The following CDH13 variants were observed in gnomAD, a reference collection of about 807,000 sequenced individuals.
CDH13 encodes cadherin-13.
Under a neutral mutation model 63.8 loss-of-function variants are expected in CDH13, and 24 were observed. The observed-to-expected ratio is 0.38, with a 90% CI of 0.27 to 0.53. The LOEUF is 0.53. Among genes scored for constraint, CDH13 ranks in the 20% least tolerant of loss-of-function variants. The pLI, the probability that CDH13 is intolerant of heterozygous loss-of-function variation, is 0.85. For synonymous variants in CDH13, 503 were observed against 355.3 expected, an observed-to-expected ratio of 1.42 and a Z score of -4.67; for missense variants, 1,049 against 903.1, an observed-to-expected ratio of 1.16 and a Z score of -2.07.
intron 3 of CDH13, among the ~76,000 whole-genome samples, chr16:83,036,670 C>G (rs981505583): frequency 2.6e-5 from 4 of 152,110 alleles, no homozygotes; most frequent in African/African-American, 9.7e-5. Context: ...AAATTCTGAC[C>G]CTTGATATCT....
chr16:82,633,008 G>A (rs1027635564), intron 1 of CDH13, among the ~76,000 whole-genome samples: 1 of 152,170 alleles, frequency 6.6e-6, no homozygotes, highest in African/African-American at 2.4e-5. Flanking sequence ...GATCTGACAG[G>A]AGGCAGAGCC....
chr16:83,496,015 C>G (rs1165854925), intron 7 of CDH13, among the ~76,000 whole-genome samples: 1 of 150,788 alleles, frequency 6.6e-6, no homozygotes, highest in Non-Finnish European at 1.5e-5. Context: ...AAAGAGGATA[C>G]AAACAAATGG....
chr16:82,928,737 G>A (rs1014570072), intron 2 of CDH13, among the ~76,000 whole-genome samples: 1 of 152,208 alleles, frequency 6.6e-6, no homozygotes, highest in African/African-American at 2.4e-5. Flanking sequence ...AAATACTAAA[G>A]TAAGAGCAGA....
chr16:82,700,107 G>GTTCATCA (rs2030800907), intron 1 of CDH13, among the ~76,000 whole-genome samples: 1 of 152,198 alleles, frequency 6.6e-6, no homozygotes, highest in African/African-American at 2.4e-5. Context: ...ATGCTGAGAA[G>GTTCATCA]GGTTATAGCA....
At chr16:83,445,115 C>G (rs1336625328) in intron 6 of CDH13, among the ~76,000 whole-genome samples, 2 of 152,108 alleles carry the variant, frequency 1.3e-5, no homozygotes, top group Admixed American at 1.3e-4. Flanking sequence ...TCTGAATAAA[C>G]TCACAGGTGT....
At chr16:83,345,427 A>G (rs2090819414) in intron 6 of CDH13, among the ~76,000 whole-genome samples, 1 of 152,204 alleles carries the variant, frequency 6.6e-6, no homozygotes, top group Non-Finnish European at 1.5e-5. Context: ...TTTTAGTAAA[A>G]TAGGTAGGAC....
rs145175305 is a variant in CDH13, at chr16:83,150,478, T to C, written c.483+24977T>C. Among the ~76,000 whole-genome samples the C allele has an allele frequency of 7.8e-4, 119 of 152,270 alleles. 2 individuals are homozygous for C. In the East Asian group the frequency reaches 0.023, roughly 29 times the overall value. ...CTCCCCATAAGACCCTTCACTTCTCTATTGACATCATTTTCACCTTCAACT... is the reference window on the plus strand; with the variant it reads ...CTCCCCATAAGACCCTTCACTTCTCCATTGACATCATTTTCACCTTCAACT... On this transcript the variant is annotated intron_variant, in intron 4 of 13. Transcript: ENST00000567109.
chr16:82,644,316 C>G lies in CDH13; in HGVS notation c.45+17179C>G, dbSNP rs1000851252. 6.6e-6 allele frequency among the ~76,000 whole-genome samples: 1 copy of G among 152,094 alleles called. No individual in the cohort carries two copies. The highest frequency in any genetic ancestry group is 1.5e-5 in the Non-Finnish European group (1 of 68,006). Reference sequence around the variant, plus strand: ...CATCACTCTGCAAATCAAGGCCCCCCGAACTCCTCCCACCCCTGCCTTCTG... The same window carrying G: ...CATCACTCTGCAAATCAAGGCCCCCGGAACTCCTCCCACCCCTGCCTTCTG... On this transcript the variant is annotated intron_variant, in intron 1 of 13. Coordinates refer to ENST00000567109, the MANE Select transcript of CDH13 (RefSeq NM_001257.5). The surrounding 1 kb of genome is among the most constrained non-coding windows in gnomAD (Gnocchi z 5.7).
chr16:82,699,575 C>A (rs1400712801), intron 1 of CDH13, among the ~76,000 whole-genome samples: 1 of 152,198 alleles, frequency 6.6e-6, no homozygotes, highest in African/African-American at 2.4e-5. Context: ...CCACTAAGAA[C>A]CTTTTAGAAA....
chr16:83,481,252 C>A, intron 6 of CDH13, among the ~76,000 whole-genome samples: 1 of 152,288 alleles, frequency 6.6e-6, no homozygotes, highest in East Asian at 1.9e-4. Flanking sequence ...TGTCTCAATA[C>A]GTGATTCGCT....
chr16:83,131,066 C>G (rs960700636), intron 4 of CDH13, among the ~76,000 whole-genome samples: 1 of 151,968 alleles, frequency 6.6e-6, no homozygotes, highest in Non-Finnish European at 1.5e-5. Context: ...AGTAGCTAAA[C>G]TACTAGAATT....
At chr16:82,888,326 A>G (rs1024867411) in intron 2 of CDH13, among the ~76,000 whole-genome samples, 7 of 152,214 alleles carry the variant, frequency 4.6e-5, no homozygotes, top group African/African-American at 7.2e-5. Flanking sequence ...GTGACAGGGA[A>G]TATTGTGAAG....
chr16:83,593,899 A>G lies in CDH13; in HGVS notation c.961-8555A>G, dbSNP rs1221173841. ...TGTGGTAGTGGTAGGTGCTGGGGAA[A>G]ACGGTACTCATTATCTATTGCTGCA... On this transcript the variant is annotated intron_variant, in intron 7 of 13. Transcript: ENST00000567109. 4.6e-5 allele frequency among the ~76,000 whole-genome samples: 7 copies of G among 152,298 alleles called. No homozygotes were observed. In the South Asian group the frequency reaches 8.3e-4, roughly 18 times the overall value.
At position 83,646,712 on chromosome 16, in the gene CDH13, A is replaced by AAAAAAAC. The variant is rs1168012793; in HGVS notation, c.1102-24077_1102-24076insAAAAACA. Among the ~76,000 whole-genome samples, 778 of 80,402 alleles carry AAAAAAAC rather than the reference A, an allele frequency of 9.7e-3. 48 individuals are homozygous for AAAAAAAC. Among genetic ancestry groups the AAAAAAAC allele is most frequent in the Non-Finnish European group, 0.013 (528 of 40,776 alleles). 52.7% of individuals were successfully genotyped at this position (80,402 alleles called of 152,430 possible). ...CGTCTCAAAAAAAAAAAAAAAAAAA[A>AAAAAAAC]ACACACACACACACACACACACACA... On this transcript the variant is annotated intron_variant, in intron 8 of 13. Coordinates refer to ENST00000567109, the MANE Select transcript of CDH13 (RefSeq NM_001257.5).
intron 5 of CDH13, among the ~76,000 whole-genome samples, chr16:83,310,099 C>T (rs968024084): frequency 7.2e-5 from 11 of 152,262 alleles, no homozygotes; most frequent in African/African-American, 2.6e-4. Context: ...AGACTATTTT[C>T]CACATTTACT....
intron 2 of CDH13, among the ~76,000 whole-genome samples, chr16:82,917,586 A>AG (rs2042028477): frequency 3.3e-5 from 5 of 152,276 alleles, no homozygotes; most frequent in Admixed American, 3.3e-4. Flanking sequence ...ATTGTGACAA[A>AG]ATGTGAACTT....
chr16:82,910,473 A>T (rs753426896), intron 2 of CDH13, among the ~76,000 whole-genome samples: 10 of 152,026 alleles, frequency 6.6e-5, no homozygotes, highest in African/African-American at 7.2e-5. Context: ...TGTATTATTT[A>T]TTCATGTTTT....
intron 1 of CDH13, among the ~76,000 whole-genome samples, chr16:82,653,557 G>A (rs1031876212): frequency 2.0e-5 from 3 of 152,200 alleles, no homozygotes; most frequent in African/African-American, 7.2e-5. Context: ...TGGAGTGGAG[G>A]GAGCTGGCAG....
intron 7 of CDH13, among the ~76,000 whole-genome samples, chr16:83,566,606 A>G (rs143613664): frequency 1.9e-4 from 29 of 152,244 alleles, no homozygotes; most frequent in African/African-American, 7.0e-4. Context: ...CTGAGCAGGC[A>G]TGGGTTTACC....
Sources: gnomAD v4.1 joint callset for allele counts (sites outside exome capture counted in the v4.1 genomes callset) on GRCh38, gnomAD v4.1.1 for gene constraint, Gnocchi (gnomAD v3.1) non-coding constraint, MANE v1.5 for transcripts, NCBI Gene and HGNC (gene_info 2026-07-23, HGNC 2026-07-21) for gene names.